The following C1QTNF3 variants were observed in gnomAD, a reference collection of about 807,000 sequenced individuals.
C1QTNF3 encodes the protein C1q and TNF related 3, also known as complement C1q tumor necrosis factor-related protein 3.
Under a neutral mutation model 32.6 loss-of-function variants are expected in C1QTNF3, and 26 were observed. That is an observed-to-expected ratio of 0.80 (90% CI 0.58 to 1.11). The LOEUF is 1.11. Among genes scored for constraint, C1QTNF3 ranks in the 50% least tolerant of loss-of-function variants. The pLI is 0.00. For synonymous variants in C1QTNF3, 155 were observed against 146.0 expected, an observed-to-expected ratio of 1.06 and a Z score of -0.44; for missense variants, 362 against 398.2, an observed-to-expected ratio of 0.91 and a Z score of 0.77.
the C1QTNF3 span, among the ~76,000 whole-genome samples, chr5:34,063,216 CTT>C: frequency 1.3e-5 from 2 of 152,030 alleles, no homozygotes; most frequent in Admixed American, 1.3e-4. Context: ...TTGTATATCT[CTT>C]TCTTTCTCTC....
chr5:34,033,534 A>G, intron 2 of C1QTNF3, 76 bp from the exon 3 acceptor site: 3 of 1,574,572 alleles, frequency 1.9e-6, no homozygotes, highest in Non-Finnish European at 2.6e-6. Context: ...CATACTATCC[A>G]AACTCAATTA....
chr5:34,057,324 T>C, the C1QTNF3 span, among the ~76,000 whole-genome samples: 1 of 152,150 alleles, frequency 6.6e-6, no homozygotes, highest in Non-Finnish European at 1.5e-5. Context: ...TGTTGAAAAT[T>C]GTGGGCTGTG....
the C1QTNF3 span, among the ~76,000 whole-genome samples, chr5:34,180,182 A>T: frequency 7.2e-5 from 11 of 152,188 alleles, no homozygotes; most frequent in Non-Finnish European, 1.2e-4. Context: ...TCAACAAAAA[A>T]TAAAGAAGAA....
chr5:34,059,701 T>C, the C1QTNF3 span, among the ~76,000 whole-genome samples: 20 of 152,228 alleles, frequency 1.3e-4, no homozygotes, highest in African/African-American at 4.6e-4. Context: ...CTTATGAATT[T>C]GGGGGAAATA....
At chr5:34,214,992 C>A in the C1QTNF3 span, among the ~76,000 whole-genome samples, 1 of 152,110 alleles carries the variant, frequency 6.6e-6, no homozygotes, top group Non-Finnish European at 1.5e-5. Context: ...ATATAAATGG[C>A]TATTAAAATT....
chr5:34,136,822 A>G, the C1QTNF3 span, among the ~76,000 whole-genome samples: 4 of 152,248 alleles, frequency 2.6e-5, no homozygotes, highest in African/African-American at 9.6e-5. Flanking sequence ...TGCAGCCATA[A>G]AAAAGGATGA....
chr5:34,157,709 C>T, the C1QTNF3 span, among the ~76,000 whole-genome samples: 4 of 152,096 alleles, frequency 2.6e-5, no homozygotes, highest in African/African-American at 7.2e-5. Flanking sequence ...TAAGGAATGT[C>T]GATAGCCTCT....
the C1QTNF3 span, among the ~76,000 whole-genome samples, chr5:34,096,926 TAAG>T: frequency 6.7e-6 from 1 of 149,936 alleles, no homozygotes; most frequent in Non-Finnish European, 1.5e-5. Flanking sequence ...GATAGAAAGG[TAAG>T]AAGGACTCTG....
At chr5:34,071,455 A>C in the C1QTNF3 span, among the ~76,000 whole-genome samples, 2 of 152,148 alleles carry the variant, frequency 1.3e-5, no homozygotes, top group African/African-American at 2.4e-5. Flanking sequence ...TTCCATAAAC[A>C]ACCTTGGATT....
At chr5:34,226,680 A>G in the C1QTNF3 span, among the ~76,000 whole-genome samples, 1,454 of 151,802 alleles carry the variant, frequency 9.6e-3, 21 homozygotes, top group African/African-American at 0.032. Flanking sequence ...ACAGTCAAAA[A>G]TTCACATATA....
chr5:34,216,201 C>G, the C1QTNF3 span, among the ~76,000 whole-genome samples: 2 of 152,200 alleles, frequency 1.3e-5, no homozygotes, highest in Admixed American at 1.3e-4. Context: ...GTTTAAGTAT[C>G]TCTACATTCT....
chr5:34,153,853 T>TAAAAAAA, the C1QTNF3 span, among the ~76,000 whole-genome samples: 8 of 32,858 alleles, frequency 2.4e-4, no homozygotes, highest in South Asian at 1.2e-3. Flanking sequence ...ACTTAGAGTA[T>TAAAAAAA]AAAAAAAAAA....
the C1QTNF3 span, among the ~76,000 whole-genome samples, chr5:34,139,570 C>A: frequency 1.3e-5 from 2 of 151,930 alleles, no homozygotes; most frequent in Non-Finnish European, 2.9e-5. Flanking sequence ...CTATACAGAT[C>A]TTGGTATAAA....
the C1QTNF3 span, among the ~76,000 whole-genome samples, chr5:34,060,216 T>C: frequency 6.6e-6 from 1 of 152,236 alleles, no homozygotes; most frequent in African/African-American, 2.4e-5. Context: ...CATGTGTTGC[T>C]TAATGATGGG....
chr5:34,125,087 T>G, the C1QTNF3 span, among the ~76,000 whole-genome samples: 4 of 152,168 alleles, frequency 2.6e-5, no homozygotes, highest in African/African-American at 9.6e-5. Flanking sequence ...TACCTTTGAG[T>G]CATTTTTAAA....
intron 3 of C1QTNF3, among the ~76,000 whole-genome samples, chr5:34,030,385 T>C (rs1407702298): frequency 2.6e-5 from 4 of 152,222 alleles, no homozygotes; most frequent in Admixed American, 2.0e-4. Flanking sequence ...GGCTGTCTAT[T>C]TGGGTCCAAA....
the C1QTNF3 span, among the ~76,000 whole-genome samples, chr5:34,060,286 G>C: frequency 3.3e-5 from 5 of 152,144 alleles, no homozygotes; most frequent in Non-Finnish European, 7.3e-5. Flanking sequence ...ACCTTAGAGT[G>C]TGCTCACACA....
chr5:34,020,058 T>C lies in C1QTNF3; in HGVS notation c.*525A>G, dbSNP rs1754287042. Reference sequence around the variant, plus strand: ...TGTGAATTCAGAGTTTTAATGTATTTTGTGGATCAAAAGGAAAGGGTCAAA... The same window carrying C: ...TGTGAATTCAGAGTTTTAATGTATTCTGTGGATCAAAAGGAAAGGGTCAAA... On this transcript the variant is annotated 3_prime_UTR_variant, in exon 6 of 6. Transcript: ENST00000382065. 1 of 153,114 alleles carries C rather than the reference T, an allele frequency of 6.5e-6. No individual in the cohort carries two copies. The allele number at this position is 153,114 out of a possible 1,614,324, so 9.5% of individuals were successfully genotyped here.
the C1QTNF3 span, among the ~76,000 whole-genome samples, chr5:34,124,892 G>A: frequency 6.6e-6 from 1 of 152,082 alleles, no homozygotes; most frequent in South Asian, 2.1e-4. Context: ...CCTAAAAATG[G>A]GTTTATGCTA....
Sources: gnomAD v4.1 joint callset for allele counts (sites outside exome capture counted in the v4.1 genomes callset) on GRCh38, gnomAD v4.1.1 for gene constraint, MANE v1.5 for transcripts, NCBI Gene and HGNC (gene_info 2026-07-23, HGNC 2026-07-21) for gene names.